The following TANC2 variants were observed in gnomAD, a reference collection of about 807,000 sequenced individuals.
TANC2 encodes tetratricopeptide repeat, ankyrin repeat and coiled-coil containing 2.
In TANC2, 26 loss-of-function variants were observed where a neutral mutation model predicts 210.5. The ratio of observed to expected loss-of-function variants is 0.12; its 90% CI spans 0.09 to 0.17. TANC2 has a LOEUF of 0.17. Ranked by LOEUF, TANC2 falls within the 10% of genes least tolerant of loss-of-function variation. TANC2 has a pLI of 1.00. For synonymous variants in TANC2, 931 were observed against 967.1 expected (o/e 0.96, Z 0.69); for missense variants, 2,129 against 2,608.9 (o/e 0.82, Z 4.01).
At position 63,275,202 on chromosome 17, in the gene TANC2, A is replaced by G. The variant is rs142173552; in HGVS notation, c.1159+7329A>G. On this transcript the variant is annotated intron_variant, in intron 9 of 27. Coordinates refer to ENST00000689528, the Ensembl canonical transcript of TANC2. ...ACACTCTTCTACTTGAAGAAATTAT[A>G]TATTGCTAATTAAAACTTCATTTCT... Among the ~76,000 whole-genome samples, 769 of 152,248 alleles carry G rather than the reference A, an allele frequency of 5.1e-3. 10 individuals are homozygous for G. The highest frequency in any genetic ancestry group is 0.018 in the African/African-American group (733 of 41,574).
At chr17:63,042,352 T>G (rs1419824027) in intron 2 of TANC2, among the ~76,000 whole-genome samples, 1 of 152,100 alleles carries the variant, frequency 6.6e-6, no homozygotes, top group Non-Finnish European at 1.5e-5. Context: ...CTGATAAAAG[T>G]CAACTATATT....
chr17:63,349,338 C>T (rs1034626392), intron 12 of TANC2, among the ~76,000 whole-genome samples: 1 of 152,146 alleles, frequency 6.6e-6, no homozygotes, highest in Non-Finnish European at 1.5e-5. Flanking sequence ...TACTGATCTC[C>T]ATGCTTGAGA....
intron 12 of TANC2, among the ~76,000 whole-genome samples, chr17:63,348,846 G>A (rs956347046): frequency 6.6e-6 from 1 of 152,078 alleles, no homozygotes; most frequent in African/African-American, 2.4e-5. Flanking sequence ...ATTTCAAAGT[G>A]AAAATCTAAA....
chr17:63,294,098 A>AG (rs1420700551), intron 9 of TANC2, among the ~76,000 whole-genome samples: 1 of 152,202 alleles, frequency 6.6e-6, no homozygotes, highest in African/African-American at 2.4e-5. Flanking sequence ...CTTTCCTAGA[A>AG]GGAATTCATT....
intron 5 of TANC2, among the ~76,000 whole-genome samples, chr17:63,175,919 A>T (rs1338126962): frequency 6.6e-6 from 1 of 152,260 alleles, no homozygotes; most frequent in Non-Finnish European, 1.5e-5. Context: ...TCACAAAAGA[A>T]GATGTAAGAG....
chr17:63,207,462 G>A (rs988923461), intron 7 of TANC2, among the ~76,000 whole-genome samples: 9 of 152,034 alleles, frequency 5.9e-5, no homozygotes, highest in South Asian at 2.1e-4. Flanking sequence ...TGATCCGCCC[G>A]CCTCAGCCTC....
intron 11 of TANC2, among the ~76,000 whole-genome samples, chr17:63,324,868 A>G (rs2146665110): frequency 6.6e-6 from 1 of 152,306 alleles, no homozygotes; most frequent in African/African-American, 2.4e-5. Context: ...TTGAATGAAG[A>G]AATTCTAGTC....
chr17:63,215,360 G>A (rs1413534484), intron 7 of TANC2, among the ~76,000 whole-genome samples: 1 of 152,088 alleles, frequency 6.6e-6, no homozygotes, highest in African/African-American at 2.4e-5. Context: ...TTTGGTCTTT[G>A]TCCCTGGTTC....
intron 9 of TANC2, among the ~76,000 whole-genome samples, chr17:63,299,543 T>G (rs1308912037): frequency 6.6e-6 from 1 of 150,898 alleles, no homozygotes; most frequent in Non-Finnish European, 1.5e-5. Context: ...GCTTTTTTTT[T>G]TTTTTTTTGT....
chr17:63,169,978 G>C (rs1160603848), intron 5 of TANC2, among the ~76,000 whole-genome samples: 1 of 149,108 alleles, frequency 6.7e-6, no homozygotes, highest in African/African-American at 2.5e-5. Context: ...AATTAGCCAG[G>C]CGCGGTGGCA....
chr17:63,359,365 G>A (rs1207992350), intron 14 of TANC2, among the ~76,000 whole-genome samples: 1 of 130,618 alleles, frequency 7.7e-6, no homozygotes. Flanking sequence ...TTTTTTTTTC[G>A]AGACAGAGTG....
At chr17:63,162,847 A>T (rs77763515) in intron 5 of TANC2, among the ~76,000 whole-genome samples, 243 of 152,212 alleles carry the variant, frequency 1.6e-3, no homozygotes, top group Non-Finnish European at 2.6e-3. Context: ...TGAATGGATT[A>T]GGGAAATGTA....
rs188321109 is a variant in TANC2 at position 63,343,404 on chromosome 17, A to G, written c.1807+3072A>G. Reference sequence around the variant, plus strand: ...TCAGGAACATGTATTAGATGTATGCACCTAATAACAGAGGTTCCAAATTCA... The same window carrying G: ...TCAGGAACATGTATTAGATGTATGCGCCTAATAACAGAGGTTCCAAATTCA... On this transcript the variant is annotated intron_variant, in intron 12 of 27. Coordinates refer to ENST00000689528, the Ensembl canonical transcript of TANC2. Among the ~76,000 whole-genome samples the G allele has an allele frequency of 6.1e-4, 93 of 152,346 alleles. 1 individual carries two copies. In the East Asian group the frequency reaches 0.018, roughly 29 times the overall value.
intron 7 of TANC2, among the ~76,000 whole-genome samples, chr17:63,225,884 A>C (rs1002678485): frequency 2.0e-5 from 3 of 152,182 alleles, no homozygotes; most frequent in African/African-American, 7.2e-5. Flanking sequence ...TTTGATTTCT[A>C]ATTGAAATTT....
At chr17:63,230,079 A>T (rs1334361816) in intron 7 of TANC2, among the ~76,000 whole-genome samples, 2 of 152,128 alleles carry the variant, frequency 1.3e-5, no homozygotes, top group Non-Finnish European at 2.9e-5. Flanking sequence ...TACTGGTGTG[A>T]GCCACCGTAC....
intron 21 of TANC2, among the ~76,000 whole-genome samples, chr17:63,408,878 G>A (rs1391621746): frequency 6.6e-6 from 1 of 152,244 alleles, no homozygotes; most frequent in Non-Finnish European, 1.5e-5. Flanking sequence ...TGCCTACTGT[G>A]TGAAAAGCGT....
intron 4 of TANC2, among the ~76,000 whole-genome samples, chr17:63,105,445 A>G (rs1393704741): frequency 1.3e-5 from 2 of 151,762 alleles, no homozygotes; most frequent in East Asian, 3.8e-4. Context: ...ACATAGTGTT[A>G]TTCTACATAG....
intron 2 of TANC2, among the ~76,000 whole-genome samples, chr17:63,072,038 T>C (rs1254265839): frequency 6.6e-6 from 1 of 152,194 alleles, no homozygotes; most frequent in Non-Finnish European, 1.5e-5. Context: ...TGATGAACTA[T>C]GTAAAATACC....
intron 10 of TANC2, among the ~76,000 whole-genome samples, chr17:63,317,681 C>T (rs1164191224): frequency 6.6e-6 from 1 of 152,208 alleles, no homozygotes; most frequent in Non-Finnish European, 1.5e-5. Flanking sequence ...ATAAATCCTA[C>T]GTTCCTACTC....
Sources: allele counts gnomAD v4.1 joint callset (sites outside exome capture counted in the v4.1 genomes callset), GRCh38; gene constraint gnomAD v4.1.1; transcripts MANE v1.5; gene names NCBI Gene and HGNC (gene_info 2026-07-23, HGNC 2026-07-21).